The following FAM184A variants were observed in gnomAD, a reference collection of about 807,000 sequenced individuals.
FAM184A encodes the protein family with sequence similarity 184 member A.
FAM184A carries 99 observed loss-of-function variants against 143.8 expected under a neutral mutation model. The ratio of observed to expected loss-of-function variants is 0.69; its 90% CI spans 0.58 to 0.81. The LOEUF (loss-of-function observed/expected upper bound fraction) is 0.81, where lower values mean the gene tolerates loss of function less well. Ranked by LOEUF, FAM184A falls within the 40% of genes least tolerant of loss-of-function variation. FAM184A has a pLI of 0.00. For missense variants in FAM184A, 1,217 were observed against 1,310.5 expected, an observed-to-expected ratio of 0.93 and a Z score of 1.10; for synonymous variants, 427 against 446.4, an observed-to-expected ratio of 0.96 and a Z score of 0.55.
At chr6:119,023,111 T>C (rs1265297500) in intron 2 of FAM184A, 31 bp from the exon 3 acceptor site, 40 of 1,611,066 alleles carry the variant, frequency 2.5e-5, no homozygotes, top group Non-Finnish European at 3.4e-5. Context: ...ATTGTTAAAA[T>C]GCAGGAATAA....
intron 6 of FAM184A, among the ~76,000 whole-genome samples, chr6:119,009,069 G>T (rs189883648): frequency 6.6e-6 from 1 of 152,294 alleles, no homozygotes; most frequent in East Asian, 1.9e-4. Context: ...ATTATGTGCT[G>T]ACTTGGGCAA....
intron 1 of FAM184A, among the ~76,000 whole-genome samples, chr6:119,123,036 T>C (rs1244238820): frequency 1.4e-5 from 2 of 138,380 alleles, no homozygotes; most frequent in African/African-American, 5.7e-5. Context: ...ATGAAAACCC[T>C]TACTGTGCAT....
chr6:119,117,936 A>C (rs1190035881), intron 1 of FAM184A, among the ~76,000 whole-genome samples: 1 of 152,092 alleles, frequency 6.6e-6, no homozygotes, highest in African/African-American at 2.4e-5. Context: ...TACAGGAGAG[A>C]AGCAGTCAGG....
intron 1 of FAM184A, among the ~76,000 whole-genome samples, chr6:119,054,993 CATA>C (rs550179795): frequency 4.6e-4 from 70 of 152,132 alleles, no homozygotes; most frequent in Admixed American, 8.5e-4. Context: ...TACCAAATTC[CATA>C]ATATTTTCAT....
intron 5 of FAM184A, among the ~76,000 whole-genome samples, chr6:119,016,231 G>A (rs1785246711): frequency 6.6e-6 from 1 of 152,196 alleles, no homozygotes; most frequent in South Asian, 2.1e-4. Flanking sequence ...GGATGTGGGT[G>A]GGGCCAGATA....
intron 3 of FAM184A, among the ~76,000 whole-genome samples, chr6:119,022,053 C>CTTTTTTTTT (rs34128659): frequency 7.5e-4 from 63 of 84,382 alleles, no homozygotes; most frequent in Non-Finnish European, 8.9e-4. Flanking sequence ...TTCGTTCTTT[C>CTTTTTTTTT]TTTTTTTTTT....
intron 1 of FAM184A, among the ~76,000 whole-genome samples, chr6:119,148,400 T>C (rs1033663741): frequency 1.3e-5 from 2 of 152,204 alleles, no homozygotes; most frequent in Non-Finnish European, 2.9e-5. Flanking sequence ...TTCTCAGTGA[T>C]GAAAGTGTTG....
At chr6:119,011,740 T>C (rs1785098010) in intron 5 of FAM184A, among the ~76,000 whole-genome samples, 1 of 152,196 alleles carries the variant, frequency 6.6e-6, no homozygotes, top group Non-Finnish European at 1.5e-5. Context: ...AATTCAAAAT[T>C]CTTTTTTTCC....
chr6:119,079,125 G>T (rs894481142), upstream of FAM184A: 2 of 152,276 alleles, frequency 1.3e-5, no homozygotes, highest in Non-Finnish European at 2.9e-5. Context: ...AGAGACATGA[G>T]TAGTGAAGTA....
At position 119,043,371 on chromosome 6, in the gene FAM184A, T is replaced by G. The variant is rs189308066; in HGVS notation, c.160-18558A>C. On this transcript the variant is annotated intron_variant, in intron 1 of 17. Coordinates refer to ENST00000338891, the MANE Select transcript of FAM184A (RefSeq NM_024581.6). ...CTAAAAATTGCTCAAGGTAAGAACA[T>G]GGGCAAGTGTGAGAAAATGGAACCC... Among the ~76,000 whole-genome samples, 462 of 152,280 alleles carry G rather than the reference T, an allele frequency of 3.0e-3. 3 individuals are homozygous for G. Among genetic ancestry groups the G allele is most frequent in the Middle Eastern group, 6.8e-3 (2 of 294 alleles).
intron 1 of FAM184A, among the ~76,000 whole-genome samples, chr6:119,038,902 A>G (rs1362418213): frequency 2.0e-5 from 3 of 152,156 alleles, no homozygotes; most frequent in East Asian, 3.9e-4. Flanking sequence ...CTGGGAGAAA[A>G]TATTTGCAAA....
At chr6:118,996,540 A>T (rs1373677375) in intron 9 of FAM184A, among the ~76,000 whole-genome samples, 1 of 151,896 alleles carries the variant, frequency 6.6e-6, no homozygotes, top group Non-Finnish European at 1.5e-5. Flanking sequence ...CTCTCCTATG[A>T]CTTTCCCTTA....
intron 1 of FAM184A, chr6:119,057,994 T>C (rs1787063008): frequency 6.6e-6 from 1 of 150,618 alleles, no homozygotes; most frequent in Non-Finnish European, 1.5e-5. Flanking sequence ...AAAAAAACTT[T>C]GTGGCTAACC....
chr6:119,118,502 G>A (rs1028830985), intron 1 of FAM184A, among the ~76,000 whole-genome samples: 2 of 152,146 alleles, frequency 1.3e-5, no homozygotes, highest in Non-Finnish European at 2.9e-5. Flanking sequence ...AAGCCATGGT[G>A]GAAGAACATG....
Position 118,974,553 on chromosome 6 carries a change from G to C in FAM184A, c.2790C>G (p.Asn930Lys). ...QQIRLHEQDLNKRLEKELDVM... is the reference protein window; with the variant it reads ...QQIRLHEQDLKKRLEKELDVM... ...CATCCAACTCTTTTTCAAGTCTCTT[G>C]TTTAAATCTTGTTCATGCAACCTGT... The change falls in exon 14 of 18, where the codon AAC becomes AAG. Residue 930 changes from asparagine to lysine, a missense_variant. Transcript: ENST00000338891. The C allele has an allele frequency of 6.2e-7, 1 of 1,602,344 alleles. No homozygotes were observed. The highest frequency in any genetic ancestry group is 8.5e-7 in the Non-Finnish European group (1 of 1,175,578).
intron 1 of FAM184A, among the ~76,000 whole-genome samples, chr6:119,106,841 T>A (rs1788799821): frequency 6.6e-6 from 1 of 152,268 alleles, no homozygotes; most frequent in South Asian, 2.1e-4. Flanking sequence ...TCTTTGTAAA[T>A]ACAGATATTC....
chr6:118,974,673 A>T lies in FAM184A; in HGVS notation c.2769-99T>A, dbSNP rs1056929545. Reference sequence around the variant, plus strand: ...GATTTGAAATGGTTTTTGGTATAATATATAGAAAATTTATGTAAACAGCCT... The same window carrying T: ...GATTTGAAATGGTTTTTGGTATAATTTATAGAAAATTTATGTAAACAGCCT... On this transcript the variant is annotated intron_variant, in intron 13 of 17. Coordinates refer to ENST00000338891, the MANE Select transcript of FAM184A (RefSeq NM_024581.6). 5.8e-6 allele frequency: 6 copies of T among 1,034,084 alleles called. No individual in the cohort carries two copies. In the African/African-American group the frequency reaches 9.8e-5, roughly 17 times the overall value. The allele number at this position is 1,034,084 out of a possible 1,614,324, so 64.1% of individuals were successfully genotyped here.
chr6:119,051,878 G>C (rs1786782109), intron 1 of FAM184A, among the ~76,000 whole-genome samples: 1 of 152,162 alleles, frequency 6.6e-6, no homozygotes, highest in Non-Finnish European at 1.5e-5. Context: ...TTATGCAACA[G>C]AAAATAAGCA....
At chr6:119,007,381 C>G (rs1717996799) in intron 6 of FAM184A, among the ~76,000 whole-genome samples, 1 of 151,686 alleles carries the variant, frequency 6.6e-6, no homozygotes, top group Non-Finnish European at 1.5e-5. Flanking sequence ...AAAAAAAATA[C>G]AAAAATTCTC....
Sources: allele counts gnomAD v4.1 joint callset (sites outside exome capture counted in the v4.1 genomes callset), GRCh38; gene constraint gnomAD v4.1.1; transcripts MANE v1.5; gene names NCBI Gene and HGNC (gene_info 2026-07-23, HGNC 2026-07-21).